TAF15: variants seen among roughly 807,000 people sequenced by gnomAD.
TAF15 encodes the protein TATA-box binding protein associated factor 15, also known as TATA-binding protein-associated factor 2N.
TAF15 carries 37 observed loss-of-function variants against 102.5 expected under a neutral mutation model. That is an observed-to-expected ratio of 0.36 (90% CI 0.28 to 0.47). The LOEUF is 0.47. Among genes scored for constraint, TAF15 ranks in the 20% least tolerant of loss-of-function variants. The probability of loss-of-function intolerance (pLI) is 0.99; values close to 1 mark genes in which losing one functional copy is unlikely to be tolerated. For synonymous variants in TAF15, 273 were observed against 259.2 expected (o/e 1.05, Z -0.51); for missense variants, 652 against 760.7 (o/e 0.86, Z 1.68).
intron 9 of TAF15, among the ~76,000 whole-genome samples, chr17:35,835,225 T>G (rs1319578773): frequency 1.3e-5 from 2 of 152,212 alleles, no homozygotes; most frequent in African/African-American, 4.8e-5. Context: ...ATGAAAGAAT[T>G]TATATCATTG....
rs780439108 is a variant in TAF15 at position 35,844,359 on chromosome 17, T to A, written c.1168T>A (p.Ser390Thr). ...NEPRPEDSRP[S>T]GGDFRGRGYG... ...GCCTAGACCAGAGGACTCTCGTCCCTCAGGAGGAGGTGGGTCAGCCTTTTA... is the reference window on the plus strand; with the variant it reads ...GCCTAGACCAGAGGACTCTCGTCCCACAGGAGGAGGTGGGTCAGCCTTTTA... The change falls in exon 14 of 16, where the codon TCA becomes ACA. Residue 390 changes from serine to threonine, a missense_variant. By Grantham distance (58) the Ser-to-Thr change is moderately conservative (BLOSUM62 1). This residue lies in a region of TAF15 where 368 missense variants were observed against 367.5 expected (regional missense o/e 1.00). Coordinates refer to ENST00000605844, the MANE Select transcript of TAF15 (RefSeq NM_139215.3). The A allele has an allele frequency of 1.9e-6, 3 of 1,614,204 alleles. No homozygotes were observed. Among genetic ancestry groups the A allele is most frequent in the Admixed American group, 1.7e-5 (1 of 60,032 alleles).
rs186870073 is a variant in TAF15, at chr17:35,836,672, G to A, written c.783+431G>A. ...AAAGCGTCTTTTGCACTATTTTCAT[G>A]CATATGTTTTTCATCTCTTCAACTA... On this transcript the variant is annotated intron_variant, in intron 10 of 15. Coordinates refer to ENST00000605844, the MANE Select transcript of TAF15 (RefSeq NM_139215.3). 2.0e-4 allele frequency among the ~76,000 whole-genome samples: 30 copies of A among 152,216 alleles called. 1 individual carries two copies. The East Asian group carries it at 4.6e-3, about 23-fold the overall frequency.
intron 1 of TAF15, chr17:35,811,532 T>C (rs183255699): frequency 5.9e-5 from 9 of 152,334 alleles, no homozygotes; most frequent in Admixed American, 5.2e-4. Context: ...TGTGTAAAAA[T>C]AATGCTTTTG....
At chr17:35,845,739 G>A (rs761112514) in intron 15 of TAF15, among the ~76,000 whole-genome samples, 34 of 152,118 alleles carry the variant, frequency 2.2e-4, no homozygotes, top group Non-Finnish European at 3.8e-4. Flanking sequence ...CACCCGCCTC[G>A]GCCTCCCAAA....
At chr17:35,840,628 G>C (rs184403582) in intron 11 of TAF15, among the ~76,000 whole-genome samples, 1 of 151,890 alleles carries the variant, frequency 6.6e-6, no homozygotes, top group Non-Finnish European at 1.5e-5. Context: ...CACTTTGGGA[G>C]GCTGAGGCAG....
chr17:35,809,831 T>C, intron 1 of TAF15: 1 of 595,278 alleles, frequency 1.7e-6, no homozygotes, highest in Non-Finnish European at 3.0e-6. Context: ...CGAGGAGACT[T>C]GCCGTTCCCG....
intron 5 of TAF15, among the ~76,000 whole-genome samples, chr17:35,822,367 A>G (rs1421190348): frequency 6.6e-6 from 1 of 151,718 alleles, no homozygotes; most frequent in African/African-American, 2.4e-5. Flanking sequence ...AAAAAAGTTC[A>G]AGGAGATAGT....
At chr17:35,831,238 T>G (rs546916271) in intron 7 of TAF15, among the ~76,000 whole-genome samples, 37 of 152,124 alleles carry the variant, frequency 2.4e-4, no homozygotes, top group African/African-American at 8.7e-4. Flanking sequence ...CCGTCTCTAC[T>G]AAAAATACAA....
intron 7 of TAF15, among the ~76,000 whole-genome samples, chr17:35,829,618 C>A (rs1478806705): frequency 9.1e-6 from 1 of 109,910 alleles, no homozygotes. Flanking sequence ...GGAGACAGAG[C>A]GAGACTCCAT....
At chr17:35,836,071 A>T in intron 9 of TAF15, 61 bp from the exon 10 acceptor site, 1 of 1,143,334 alleles carries the variant, frequency 8.7e-7, no homozygotes, top group Non-Finnish European at 1.3e-6. Context: ...GTCTTTGATT[A>T]CTGAACAGAA....
Position 35,844,177 on chromosome 17 carries a change from T to G in TAF15, c.1088+19T>G, listed in dbSNP as rs752182969. 1 of 1,613,636 alleles carries G rather than the reference T, an allele frequency of 6.2e-7. No homozygotes were observed. Among genetic ancestry groups the G allele is most frequent in the Non-Finnish European group, 8.5e-7 (1 of 1,179,712 alleles). ...CTAATCCGTAAGTGTCTTGTTTACT[T>G]TGGTGAGAGTAGGGGTTGGGATTGG... On this transcript the variant is annotated intron_variant, in intron 13 of 15. Transcript: ENST00000605844.
chr17:35,841,403 T>TC (rs752152807), intron 11 of TAF15, among the ~76,000 whole-genome samples: 6 of 152,256 alleles, frequency 3.9e-5, no homozygotes, highest in East Asian at 3.9e-4. Context: ...TGGCTTTTTT[T>TC]CCCATGTAAA....
intron 10 of TAF15, among the ~76,000 whole-genome samples, chr17:35,836,515 A>G (rs2087477108): frequency 6.6e-6 from 1 of 152,220 alleles, no homozygotes; most frequent in Non-Finnish European, 1.5e-5. Context: ...AACTGTGAGA[A>G]ATAAAGGAGT....
rs769566845 is a variant in TAF15 at position 35,847,100 on chromosome 17, T to C, written c.*155T>C. On this transcript the variant is annotated 3_prime_UTR_variant, in exon 16 of 16. Transcript: ENST00000605844. ...GGGAGGGCTGGGACAGTTTTTCTTC[T>C]AGAAATGTCTGTTGAGATTTCCCCC... The C allele has an allele frequency of 1.3e-6, 1 of 757,344 alleles. No individual in the cohort carries two copies. The allele number at this position is 757,344 out of a possible 1,614,324, so 46.9% of individuals were successfully genotyped here.
rs940075329 is a variant in TAF15 at position 35,844,547 on chromosome 17, C to T, written c.1248C>T (p.Gly416=). Residue 416 remains glycine (G), a synonymous_variant, in exon 15 of 16, where the codon GGC becomes GGT. Coordinates refer to ENST00000605844, the MANE Select transcript of TAF15 (RefSeq NM_139215.3). The part of the protein sequence containing the change: ...RGRGGRGGDR[G]GYGGDRSGGG... Reference sequence around the variant, plus strand: ...GTGGGGGCAGAGGTGGAGACCGAGGCGGCTATGGTGGAGACAGAAGTGGGG... The same window carrying T: ...GTGGGGGCAGAGGTGGAGACCGAGGTGGCTATGGTGGAGACAGAAGTGGGG... 52 of 1,600,918 alleles carry T rather than the reference C, an allele frequency of 3.2e-5. No homozygotes were observed. Among genetic ancestry groups the T allele is most frequent in the Middle Eastern group, 1.7e-4 (1 of 5,990 alleles).
At chr17:35,816,016 C>T (rs1482663881) in intron 1 of TAF15, among the ~76,000 whole-genome samples, 4 of 152,102 alleles carry the variant, frequency 2.6e-5, no homozygotes. Flanking sequence ...AGCTGGAGTG[C>T]AGTGGTGCAA....
At chr17:35,813,523 C>G (rs1161287330) in intron 1 of TAF15, among the ~76,000 whole-genome samples, 3 of 151,938 alleles carry the variant, frequency 2.0e-5, no homozygotes, top group African/African-American at 4.8e-5. Flanking sequence ...GTAATCCCAG[C>G]TACTCGGGAG....
chr17:35,839,257 G>A (rs546590754), intron 11 of TAF15, among the ~76,000 whole-genome samples: 178 of 149,612 alleles, frequency 1.2e-3, no homozygotes, highest in African/African-American at 4.0e-3. Context: ...TTCCAGCCTG[G>A]GCAACAGAGC....
At position 35,844,732 on chromosome 17, in the gene TAF15, G is replaced by C. The variant is rs1347592023; in HGVS notation, c.1433G>C (p.Gly478Ala). 6.2e-7 allele frequency: 1 copy of C among 1,609,988 alleles called. No individual in the cohort carries two copies. Among genetic ancestry groups the C allele is most frequent in the East Asian group, 2.2e-5 (1 of 44,762 alleles). The change falls in exon 15 of 16, where the codon GGC (glycine) becomes GCC (alanine). Residue 478 changes from glycine (G) to alanine (A), a missense_variant. Physicochemically the swap from Gly to Ala is moderately conservative, Grantham distance 60. Coordinates refer to ENST00000605844, the MANE Select transcript of TAF15 (RefSeq NM_139215.3). ...GGGYGGDRGG[G>A]YGGDRGGYGG... ...GGCTATGGAGGAGACCGAGGAGGTG[G>C]CTATGGAGGAGATCGAGGTGGCTAT...
Sources: gnomAD v4.1 joint callset for allele counts (sites outside exome capture counted in the v4.1 genomes callset) on GRCh38, gnomAD v4.1.1 for gene constraint, gnomAD v4.1.1 regional missense constraint, MANE v1.5 for transcripts, NCBI Gene and HGNC (gene_info 2026-07-23, HGNC 2026-07-21) for gene names.